The following NAV3 variants were observed in gnomAD, a reference collection of about 807,000 sequenced individuals.
The protein encoded by NAV3 is pore membrane and/or filament interacting like protein 1.
A neutral mutation model predicts 244.7 loss-of-function variants in NAV3; 87 were observed. The ratio of observed to expected loss-of-function variants is 0.36; its 90% confidence interval spans 0.30 to 0.42. The LOEUF (loss-of-function observed/expected upper bound fraction) is 0.42. Among genes scored for constraint, NAV3 ranks in the 20% least tolerant of loss-of-function variants. NAV3 has a pLI of 1.00. For synonymous variants in NAV3, 1,126 were observed against 1,042.2 expected (o/e 1.08, Z -1.55); for missense variants, 2,663 against 2,893.3 (o/e 0.92, Z 1.83).
chr12:78,093,518 A>G (rs148073652), intron 12 of NAV3, among the ~76,000 whole-genome samples: 140 of 152,286 alleles, frequency 9.2e-4, no homozygotes, highest in African/African-American at 3.2e-3. Context: ...AAGTCCAGAT[A>G]TTGTTTTTGG....
At chr12:77,601,141 G>T (rs956611850) in intron 2 of NAV3, among the ~76,000 whole-genome samples, 3 of 151,802 alleles carry the variant, frequency 2.0e-5, no homozygotes, top group African/African-American at 7.3e-5. Flanking sequence ...CATTTTATCC[G>T]CACAAATACC....
At chr12:78,028,854 G>A (rs1182190478) in intron 9 of NAV3, among the ~76,000 whole-genome samples, 10 of 152,120 alleles carry the variant, frequency 6.6e-5, no homozygotes, top group Non-Finnish European at 1.0e-4. Flanking sequence ...TACTTTCCCC[G>A]AAATGTGACT....
intron 1 of NAV3, among the ~76,000 whole-genome samples, chr12:77,858,226 C>G (rs1296140954): frequency 1.3e-5 from 2 of 151,776 alleles, no homozygotes; most frequent in East Asian, 1.9e-4. Context: ...ATTTAAAACT[C>G]TGGAGTATGG....
chr12:77,964,452 G>A (rs1360211718), intron 3 of NAV3, among the ~76,000 whole-genome samples: 1 of 151,966 alleles, frequency 6.6e-6, no homozygotes, highest in Non-Finnish European at 1.5e-5. Flanking sequence ...TTAATATTAG[G>A]CCACAATAAT....
At chr12:77,953,061 T>C (rs1017484885) in intron 3 of NAV3, among the ~76,000 whole-genome samples, 1 of 152,128 alleles carries the variant, frequency 6.6e-6, no homozygotes, top group Non-Finnish European at 1.5e-5. Context: ...TGAATACTGA[T>C]GTAATTTTTA....
chr12:78,185,466 T>A (rs1958671472), intron 30 of NAV3, 135 bp from the exon 31 acceptor site: 1 of 672,984 alleles, frequency 1.5e-6, no homozygotes, highest in Non-Finnish European at 2.4e-6. Flanking sequence ...GCTGAGGCTT[T>A]TCAAATCAGT....
intron 2 of NAV3, among the ~76,000 whole-genome samples, chr12:77,573,729 G>A (rs149806569): frequency 1.6e-3 from 247 of 152,152 alleles, no homozygotes; most frequent in African/African-American, 5.7e-3. Context: ...ACTATATTGG[G>A]TGGGTAAAGA....
chr12:77,597,055 A>T (rs1870202239), intron 2 of NAV3, among the ~76,000 whole-genome samples: 2 of 152,176 alleles, frequency 1.3e-5, no homozygotes, highest in African/African-American at 2.4e-5. Flanking sequence ...CTCAAAGAGC[A>T]GTATTCTGAT....
intron 2 of NAV3, among the ~76,000 whole-genome samples, chr12:77,821,659 TAA>T (rs1042992669): frequency 5.9e-5 from 9 of 152,186 alleles, no homozygotes; most frequent in Admixed American, 2.0e-4. Flanking sequence ...TATTTGTATA[TAA>T]GCTTCAAAAA....
intron 2 of NAV3, among the ~76,000 whole-genome samples, chr12:77,668,939 A>C (rs1873839745): frequency 6.6e-6 from 1 of 152,154 alleles, no homozygotes; most frequent in African/African-American, 2.4e-5. Flanking sequence ...CATCAGATTA[A>C]CAGCAGATTT....
At chr12:77,655,063 C>T (rs1042294139) in intron 2 of NAV3, among the ~76,000 whole-genome samples, 3 of 152,170 alleles carry the variant, frequency 2.0e-5, no homozygotes, top group Non-Finnish European at 4.4e-5. Flanking sequence ...TCTCCTCCTC[C>T]AAAGGATCGC....
intron 2 of NAV3, among the ~76,000 whole-genome samples, chr12:77,752,539 T>C (rs1157172925): frequency 6.6e-6 from 1 of 152,148 alleles, no homozygotes; most frequent in Non-Finnish European, 1.5e-5. Flanking sequence ...GGACAGATAC[T>C]AGTCTCAAGT....
At chr12:78,204,195 G>A (rs982272742) in intron 38 of NAV3, among the ~76,000 whole-genome samples, 4 of 151,630 alleles carry the variant, frequency 2.6e-5, no homozygotes, top group Non-Finnish European at 5.9e-5. Context: ...CACACTCCGG[G>A]GACTGTTGTG....
At chr12:77,961,748 TG>T (rs1405118090) in intron 3 of NAV3, among the ~76,000 whole-genome samples, 2 of 149,258 alleles carry the variant, frequency 1.3e-5, no homozygotes, top group African/African-American at 4.9e-5. Context: ...TAAAGTAGAC[TG>T]GGGAGAGAGT....
At chr12:78,052,409 A>G (rs812182) in intron 11 of NAV3, among the ~76,000 whole-genome samples, 9,925 of 152,186 alleles carry the variant, frequency 0.065, 353 homozygotes, top group Admixed American at 0.085. Context: ...CCTAGTTTGA[A>G]TCTCTCCCAT....
intron 2 of NAV3, among the ~76,000 whole-genome samples, chr12:77,778,142 C>T (rs1484571612): frequency 2.2e-5 from 2 of 90,288 alleles, no homozygotes; most frequent in Non-Finnish European, 4.6e-5. Flanking sequence ...CTTCCTTCCC[C>T]CTCCCCTCCC....
intron 2 of NAV3, among the ~76,000 whole-genome samples, chr12:77,680,907 AG>A (rs1442609187): frequency 6.6e-6 from 1 of 152,132 alleles, no homozygotes; most frequent in East Asian, 1.9e-4. Flanking sequence ...AGTGGAGATG[AG>A]AATCTATTAA....
intron 2 of NAV3, among the ~76,000 whole-genome samples, chr12:77,757,137 T>A (rs11106557): frequency 1.3e-5 from 2 of 152,310 alleles, no homozygotes; most frequent in East Asian, 3.9e-4. Flanking sequence ...TGAGGAATAA[T>A]CCTTAACTGG....
At chr12:78,067,015 A>G (rs1885095000) in intron 12 of NAV3, among the ~76,000 whole-genome samples, 1 of 152,134 alleles carries the variant, frequency 6.6e-6, no homozygotes, top group Admixed American at 6.6e-5. Context: ...TGGGGGCATC[A>G]GTTATAAGGG....
Sources: gnomAD v4.1 joint callset for allele counts (sites outside exome capture counted in the v4.1 genomes callset) on GRCh38, gnomAD v4.1.1 for gene constraint, MANE v1.5 for transcripts, NCBI Gene and HGNC (gene_info 2026-07-23, HGNC 2026-07-21) for gene names.